Variants in ARFGEF1 observed in about 807,000 individuals in gnomAD.
ARFGEF1 encodes ARF guanine nucleotide exchange factor 1.
ARFGEF1 carries 42 observed loss-of-function variants against 231.0 expected under a neutral mutation model. The observed-to-expected ratio is 0.18, with a 90% CI of 0.14 to 0.24. The LOEUF (loss-of-function observed/expected upper bound fraction) is 0.24, where lower values mean the gene tolerates loss of function less well. Among genes scored for constraint, ARFGEF1 ranks in the 10% least tolerant of loss-of-function variants. ARFGEF1 has a pLI of 1.00. For missense variants in ARFGEF1, 1,345 were observed against 2,192.0 expected (o/e 0.61, Z 7.72); for synonymous variants, 710 against 732.3 (o/e 0.97, Z 0.49).
At chr8:67,273,419 CAAAAAAAAAAA>C (rs58580002) in intron 9 of ARFGEF1, among the ~76,000 whole-genome samples, 11 of 56,614 alleles carry the variant, frequency 1.9e-4, no homozygotes, top group African/African-American at 5.4e-4. Context: ...TTTTTTTTCC[CAAAAAAAAAAA>C]AAAAAAAAAA....
At chr8:67,309,666 A>G (rs1405392586) in intron 1 of ARFGEF1, among the ~76,000 whole-genome samples, 1 of 152,228 alleles carries the variant, frequency 6.6e-6, no homozygotes, top group East Asian at 1.9e-4. Flanking sequence ...GAAACAAACT[A>G]TGAAGCCCAG....
chr8:67,283,286 A>C (rs1286852853), intron 7 of ARFGEF1, among the ~76,000 whole-genome samples: 1 of 152,188 alleles, frequency 6.6e-6, no homozygotes, highest in Non-Finnish European at 1.5e-5. Context: ...GTCTATAGTA[A>C]GAATGTATAT....
At chr8:67,228,377 T>C in intron 23 of ARFGEF1, 113 bp from the exon 24 acceptor site, 1 of 981,046 alleles carries the variant, frequency 1.0e-6, no homozygotes, top group African/African-American at 1.7e-5. Flanking sequence ...GAACAAAAAA[T>C]TGGGTATTCA....
At chr8:67,236,177 G>A (rs1437746207) in intron 22 of ARFGEF1, among the ~76,000 whole-genome samples, 1 of 150,552 alleles carries the variant, frequency 6.6e-6, no homozygotes, top group East Asian at 2.0e-4. Flanking sequence ...AATTAGCTAG[G>A]TGTGGTGGCA....
At chr8:67,330,930 C>T (rs1273381444) in intron 1 of ARFGEF1, among the ~76,000 whole-genome samples, 1 of 152,104 alleles carries the variant, frequency 6.6e-6, no homozygotes, top group African/African-American at 2.4e-5. Flanking sequence ...CCAACTATAA[C>T]ACTTTTTATC....
rs1430414599 is a variant in ARFGEF1 at position 67,217,253 on chromosome 8, G to A, written c.4613+529C>T. On this transcript the variant is annotated intron_variant, in intron 32 of 38. Coordinates refer to ENST00000262215, the MANE Select transcript of ARFGEF1 (RefSeq NM_006421.5). ...CAAGAGGCGGAGGTTGTGGTGAGCCGAGATTGCGCCAATGCACTCCAGCCT... is the reference window on the plus strand; with the variant it reads ...CAAGAGGCGGAGGTTGTGGTGAGCCAAGATTGCGCCAATGCACTCCAGCCT... 2.7e-5 allele frequency among the ~76,000 whole-genome samples: 4 copies of A among 148,250 alleles called. No individual in the cohort carries two copies. The East Asian group carries it at 7.9e-4, about 29-fold the overall frequency.
At position 67,241,787 on chromosome 8, in the gene ARFGEF1, G is replaced by A. The variant is rs145114469; in HGVS notation, c.2851-1497C>T. Among the ~76,000 whole-genome samples the A allele has an allele frequency of 2.7e-3, 406 of 152,146 alleles. 2 individuals carry two copies. Among genetic ancestry groups the A allele is most frequent in the African/African-American group, 9.5e-3 (396 of 41,506 alleles). On this transcript the variant is annotated intron_variant, in intron 19 of 38. Transcript: ENST00000262215. Reference sequence around the variant, plus strand: ...CACTCACAGTAGCTGGTTTTAACTTGATATCACTGAAAGGGACATTGAAGG... The same window carrying A: ...CACTCACAGTAGCTGGTTTTAACTTAATATCACTGAAAGGGACATTGAAGG...
chr8:67,233,063 A>G (rs1839605296), intron 22 of ARFGEF1, 118 bp from the exon 23 acceptor site: 2 of 823,228 alleles, frequency 2.4e-6, no homozygotes, highest in Admixed American at 5.2e-5. Flanking sequence ...AGAATGCTTC[A>G]GGTGAACAAT....
rs545588574 is a variant in ARFGEF1, at chr8:67,316,012, T to C, written c.125-13546A>G. On this transcript the variant is annotated intron_variant, in intron 1 of 38. Coordinates refer to ENST00000262215, the MANE Select transcript of ARFGEF1 (RefSeq NM_006421.5). ...ATCAACAAAACTGAAAATAGAAAAA[T>C]AGGAAAAATCAATTTAAAAAGCTGA... is the stretch of plus-strand genomic sequence containing the variant. Among the ~76,000 whole-genome samples the C allele has an allele frequency of 4.0e-5, 6 of 151,008 alleles. No individual in the cohort carries two copies. In the South Asian group the frequency reaches 1.0e-3, roughly 26 times the overall value.
intron 22 of ARFGEF1, among the ~76,000 whole-genome samples, chr8:67,234,202 G>C (rs777973507): frequency 1.4e-4 from 22 of 152,058 alleles, no homozygotes; most frequent in Non-Finnish European, 3.1e-4. Context: ...TCTATTCTAG[G>C]AACTGAATGA....
At chr8:67,241,601 C>G (rs528688286) in intron 19 of ARFGEF1, among the ~76,000 whole-genome samples, 1 of 152,024 alleles carries the variant, frequency 6.6e-6, no homozygotes, top group Non-Finnish European at 1.5e-5. Flanking sequence ...TGTGGAACAC[C>G]GTTTGGCAAT....
At chr8:67,222,981 C>T (rs1405989713) in intron 29 of ARFGEF1, among the ~76,000 whole-genome samples, 1 of 152,214 alleles carries the variant, frequency 6.6e-6, no homozygotes, top group African/African-American at 2.4e-5. Context: ...GAGCAATAGG[C>T]TATGCCATCT....
chr8:67,235,223 A>G (rs1462943812), intron 22 of ARFGEF1, among the ~76,000 whole-genome samples: 4 of 151,758 alleles, frequency 2.6e-5, no homozygotes, highest in African/African-American at 9.7e-5. Context: ...TGGAATCCAA[A>G]GAACCCATTT....
At chr8:67,274,858 A>G (rs1260163203) in intron 9 of ARFGEF1, among the ~76,000 whole-genome samples, 2 of 152,082 alleles carry the variant, frequency 1.3e-5, no homozygotes, top group Non-Finnish European at 2.9e-5. Flanking sequence ...GTGATTTTTG[A>G]ATGAGACTTT....
chr8:67,343,118 C>A (rs1587362518), intron 1 of ARFGEF1, 46 bp downstream of exon 1: 1 of 1,228,290 alleles, frequency 8.1e-7, no homozygotes, highest in African/African-American at 1.5e-5. Context: ...CCCCCCTCCC[C>A]GCCCCACAAC....
At chr8:67,184,679 G>A (rs111602752) in intron 5 of ARFGEF1, among the ~76,000 whole-genome samples, 2,474 of 151,690 alleles carry the variant, frequency 0.016, 72 homozygotes, top group African/African-American at 0.057. Flanking sequence ...AGCTGAAATC[G>A]TGCCACTGCA....
At chr8:67,200,580 G>C (rs774552040) in intron 37 of ARFGEF1, 67 bp from the exon 38 acceptor site, 27 of 946,182 alleles carry the variant, frequency 2.9e-5, no homozygotes, top group Non-Finnish European at 3.8e-5. Context: ...CACCGAGAAA[G>C]AGCAATCATG....
intron 34 of ARFGEF1, among the ~76,000 whole-genome samples, chr8:67,209,424 GAGA>G (rs145252403): frequency 0.025 from 3,780 of 152,262 alleles, 157 homozygotes; most frequent in African/African-American, 0.085. Flanking sequence ...TGGGGAAGAG[GAGA>G]AGAAGAAGTG....
At chr8:67,209,711 C>T (rs553956243) in intron 34 of ARFGEF1, among the ~76,000 whole-genome samples, 1 of 152,202 alleles carries the variant, frequency 6.6e-6, no homozygotes, top group Admixed American at 6.5e-5. Context: ...GTAAAGGGTT[C>T]CTCTTTTTTG....
Sources: allele counts gnomAD v4.1 joint callset (sites outside exome capture counted in the v4.1 genomes callset), GRCh38; gene constraint gnomAD v4.1.1; transcripts MANE v1.5; gene names NCBI Gene and HGNC (gene_info 2026-07-23, HGNC 2026-07-21).